GRM4: variants seen among roughly 807,000 people sequenced by gnomAD.
The protein encoded by GRM4 is glutamate metabotropic receptor 4.
A neutral mutation model predicts 81.7 loss-of-function variants in GRM4; 28 were observed. The observed-to-expected ratio is 0.34, with a 90% confidence interval of 0.25 to 0.47. The LOEUF (loss-of-function observed/expected upper bound fraction) is 0.47, where lower values mean the gene tolerates loss of function less well. Among genes scored for constraint, GRM4 ranks in the 20% least tolerant of loss-of-function variants. GRM4 has a pLI of 1.00. For synonymous variants in GRM4, 488 were observed against 528.8 expected, an observed-to-expected ratio of 0.92 and a Z score of 1.06; for missense variants, 948 against 1,290.0, an observed-to-expected ratio of 0.73 and a Z score of 4.06.
chr6:34,026,984 T>C (rs1313951797), intron 10 of GRM4, among the ~76,000 whole-genome samples: 5 of 152,116 alleles, frequency 3.3e-5, no homozygotes, highest in Admixed American at 3.3e-4. Context: ...CAGAAAGGCC[T>C]GGTCAGGACT....
At chr6:34,098,549 G>C (rs752552183) in intron 2 of GRM4, among the ~76,000 whole-genome samples, 2 of 152,192 alleles carry the variant, frequency 1.3e-5, no homozygotes, top group African/African-American at 4.8e-5. Flanking sequence ...CCTGCCTGGC[G>C]CAGCCCCTAT....
At chr6:34,134,722 T>C (rs1189145276) in intron 1 of GRM4, among the ~76,000 whole-genome samples, 2 of 151,080 alleles carry the variant, frequency 1.3e-5, no homozygotes, top group Non-Finnish European at 2.9e-5. Context: ...CACTGCTCTT[T>C]CTCCCCACCC....
intron 8 of GRM4, 125 bp downstream of exon 8, chr6:34,040,053 C>T: frequency 2.2e-6 from 2 of 923,328 alleles, no homozygotes; most frequent in Non-Finnish European, 3.4e-6. Context: ...GGGAAGGAAG[C>T]CCCAGCCTGG....
intron 5 of GRM4, among the ~76,000 whole-genome samples, chr6:34,057,433 C>T (rs1388517912): frequency 1.3e-5 from 2 of 152,210 alleles, no homozygotes; most frequent in Admixed American, 1.3e-4. Flanking sequence ...TGGCAGGAGA[C>T]GCACTGGCAT....
intron 2 of GRM4, among the ~76,000 whole-genome samples, chr6:34,120,806 G>A (rs1193141620): frequency 6.6e-6 from 1 of 152,188 alleles, no homozygotes; most frequent in Non-Finnish European, 1.5e-5. Flanking sequence ...GTGTTAGCCA[G>A]GGTGGTCTCG....
In GRM4 at chr6:34,133,127, G is replaced by A; in HGVS notation, c.370C>T (p.Gln124Ter). Reference protein sequence around the residue: ...HALEQSLTFVQALIEKDGTEV... With the variant: ...HALEQSLTFV ...GTGCCATCCTTCTCGATGAGCGCCT[G>A]CACAAAGGTCAGCGACTGCTCGAGG... The change falls in exon 2 of 11, where the codon CAG becomes TAG. Residue 124 changes from glutamine to a stop codon, truncating the protein, a stop_gained. Coordinates refer to ENST00000538487, the MANE Select transcript of GRM4 (RefSeq NM_000841.4). LOFTEE classifies it high-confidence loss of function. This position sits in a 1 kb window ranked among gnomAD's most constrained non-coding sequence, Gnocchi z 6.5. The A allele has an allele frequency of 6.2e-7, 1 of 1,614,006 alleles. No individual in the cohort carries two copies. The highest frequency in any genetic ancestry group is 8.5e-7 in the Non-Finnish European group (1 of 1,179,922).
rs546464190 is a variant in GRM4, at chr6:34,117,029, A to C, written c.519+15949T>G. On this transcript the variant is annotated intron_variant, in intron 2 of 10. Coordinates refer to ENST00000538487, the MANE Select transcript of GRM4 (RefSeq NM_000841.4). ...TGGGGAGGAAAGGATATTAACTAGG[A>C]GGGGCTCAAGGGAGCTTTCCAGGGC... Among the ~76,000 whole-genome samples, 258 of 152,330 alleles carry C rather than the reference A, an allele frequency of 1.7e-3. 3 individuals are homozygous for C. The highest frequency in any genetic ancestry group is 4.4e-3 in the Admixed American group (68 of 15,304).
At chr6:34,066,156 G>A (rs1766455722) in intron 3 of GRM4, among the ~76,000 whole-genome samples, 3 of 152,146 alleles carry the variant, frequency 2.0e-5, no homozygotes, top group African/African-American at 7.2e-5. Context: ...AAAGCTGAAC[G>A]TGCCGGCTGC....
intron 2 of GRM4, among the ~76,000 whole-genome samples, chr6:34,095,122 G>C (rs1768451041): frequency 6.6e-6 from 1 of 152,244 alleles, no homozygotes; most frequent in African/African-American, 2.4e-5. Flanking sequence ...ATGCGCGTCA[G>C]CCTGCAGGAG....
chr6:34,124,806 G>A (rs761887132), intron 2 of GRM4, among the ~76,000 whole-genome samples: 58 of 152,248 alleles, frequency 3.8e-4, no homozygotes, highest in Middle Eastern at 6.8e-3. Flanking sequence ...ATGGGAGACA[G>A]AAAGCCAGAA....
intron 2 of GRM4, among the ~76,000 whole-genome samples, chr6:34,110,122 C>A (rs1769304672): frequency 1.3e-5 from 2 of 152,154 alleles, no homozygotes; most frequent in South Asian, 4.1e-4. Flanking sequence ...TACAGCAAGA[C>A]TGTCTCTACA....
intron 3 of GRM4, among the ~76,000 whole-genome samples, chr6:34,076,365 T>C (rs1387710): frequency 0.084 from 12,672 of 151,058 alleles, 1,087 homozygotes; most frequent in African/African-American, 0.21. Context: ...CAGGCCAGGC[T>C]AGGAGCAAGG....
chr6:34,083,910 T>C (rs1767744784), intron 3 of GRM4, among the ~76,000 whole-genome samples: 1 of 152,164 alleles, frequency 6.6e-6, no homozygotes. Context: ...ACTGCCACCA[T>C]GCAATTGGCC....
At chr6:34,065,353 G>C (rs1766402484) in intron 3 of GRM4, among the ~76,000 whole-genome samples, 1 of 151,842 alleles carries the variant, frequency 6.6e-6, no homozygotes. Flanking sequence ...TCCTCACCCT[G>C]TGCCCCAAGT....
rs1380289467 is a variant in GRM4 at position 34,068,219 on chromosome 6, G to T, written c.737-6191C>A. Among the ~76,000 whole-genome samples, 2 of 152,166 alleles carry T rather than the reference G, an allele frequency of 1.3e-5. No individual in the cohort carries two copies. The highest frequency in any genetic ancestry group is 6.5e-5 in the Admixed American group (1 of 15,282). ...CCTGGAGAACAGGGAGGCTTGGGCT[G>T]GGCCACGCAGCTGGAGAGGCAGAGG... On this transcript the variant is annotated intron_variant, in intron 3 of 10. Coordinates refer to ENST00000538487, the MANE Select transcript of GRM4 (RefSeq NM_000841.4). The surrounding 1 kb of genome is among the most constrained non-coding windows in gnomAD (Gnocchi z 4.2).
Position 34,070,837 on chromosome 6 carries a change from CA to C in GRM4, c.737-8810del, listed in dbSNP as rs1766788705. 7.2e-6 allele frequency among the ~76,000 whole-genome samples: 1 copy of C among 139,830 alleles called. No individual in the cohort carries two copies. The allele number at this position is 139,830 out of a possible 152,430, so 91.7% of individuals were successfully genotyped here. On this transcript the variant is annotated intron_variant, in intron 3 of 10. Coordinates refer to ENST00000538487, the MANE Select transcript of GRM4 (RefSeq NM_000841.4). This position sits in a 1 kb window ranked among gnomAD's most constrained non-coding sequence, Gnocchi z 4.6. ...ACACACACGGCAATGCACACCCTTA[CA>C]AAATCACATACTACACACCACCACA...
At position 34,089,032 on chromosome 6, in the gene GRM4, G is replaced by C. The variant is rs1176136776; in HGVS notation, c.736+2851C>G. 2.6e-5 allele frequency among the ~76,000 whole-genome samples: 4 copies of C among 152,132 alleles called. No individual in the cohort carries two copies. The highest frequency in any genetic ancestry group is 9.7e-5 in the African/African-American group (4 of 41,422). On this transcript the variant is annotated intron_variant, in intron 3 of 10. Coordinates refer to ENST00000538487, the MANE Select transcript of GRM4 (RefSeq NM_000841.4). The surrounding 1 kb of genome is among the most constrained non-coding windows in gnomAD (Gnocchi z 4.3). ...CCATGTTCTAGCTCTGTGGCCTTGG[G>C]AAAGTGACCCACCCCCTCTGGCCTC...
At chr6:34,103,400 G>A (rs569845348) in intron 2 of GRM4, among the ~76,000 whole-genome samples, 20 of 152,356 alleles carry the variant, frequency 1.3e-4, no homozygotes, top group Admixed American at 3.9e-4. Context: ...TGGGTACGGA[G>A]GGGAGAGCCT....
rs1279723474 is a variant in GRM4 at position 34,115,559 on chromosome 6, T to G, written c.519+17419A>C. Among the ~76,000 whole-genome samples, 1 of 152,198 alleles carries G rather than the reference T, an allele frequency of 6.6e-6. No homozygotes were observed. Among genetic ancestry groups the G allele is most frequent in the Non-Finnish European group, 1.5e-5 (1 of 68,042 alleles). On this transcript the variant is annotated intron_variant, in intron 2 of 10. Transcript: ENST00000538487. This position sits in a 1 kb window ranked among gnomAD's most constrained non-coding sequence, Gnocchi z 4.1. ...CCTTGGACAGCAGCCTCCAGGGGTC[T>G]GCCCGAAGACACTCGGCAAACCTTT...
Sources: gnomAD v4.1 joint callset for allele counts (sites outside exome capture counted in the v4.1 genomes callset) on GRCh38, gnomAD v4.1.1 for gene constraint, Gnocchi (gnomAD v3.1) non-coding constraint, MANE v1.5 for transcripts, NCBI Gene and HGNC (gene_info 2026-07-23, HGNC 2026-07-21) for gene names.